SEMA6A: variants seen among roughly 807,000 people sequenced by gnomAD.
SEMA6A encodes the protein semaphorin-6A.
Under a neutral mutation model 96.8 loss-of-function variants are expected in SEMA6A, and 25 were observed. The observed-to-expected ratio is 0.26, with a 90% CI of 0.19 to 0.36. SEMA6A has a LOEUF of 0.36. Among genes scored for constraint, SEMA6A ranks in the 10% least tolerant of loss-of-function variants. The pLI is 1.00. For missense variants in SEMA6A, 1,363 were observed against 1,323.1 expected, an observed-to-expected ratio of 1.03 and a Z score of -0.47; for synonymous variants, 612 against 518.0, an observed-to-expected ratio of 1.18 and a Z score of -2.46.
chr5:116,482,651 A>C (rs1171032790), intron 10 of SEMA6A, 76 bp from the exon 11 acceptor site: 4 of 1,466,956 alleles, frequency 2.7e-6, no homozygotes, highest in Non-Finnish European at 2.8e-6. Context: ...CTCCAGAGAA[A>C]CTTTCCTGGT....
intron 17 of SEMA6A, chr5:116,471,493 G>T (rs1756142457): frequency 6.6e-6 from 1 of 152,172 alleles, no homozygotes; most frequent in Admixed American, 6.6e-5. Context: ...TGATCGCAAA[G>T]TATCATATTG....
intron 18 of SEMA6A, among the ~76,000 whole-genome samples, chr5:116,467,208 C>T (rs1374014548): frequency 6.6e-6 from 1 of 152,144 alleles, no homozygotes; most frequent in East Asian, 1.9e-4. Flanking sequence ...ATTGCATTCA[C>T]TTGCCAAAGC....
chr5:116,573,016 G>C (rs1270509678), intron 1 of SEMA6A, among the ~76,000 whole-genome samples: 1 of 152,234 alleles, frequency 6.6e-6, no homozygotes, highest in Non-Finnish European at 1.5e-5. Flanking sequence ...ACCGCTCCCT[G>C]GCTCCCCCCG....
chr5:116,482,946 G>T (rs1398481192), intron 10 of SEMA6A, among the ~76,000 whole-genome samples: 1 of 152,176 alleles, frequency 6.6e-6, no homozygotes, highest in Non-Finnish European at 1.5e-5. Context: ...AGAGCGTTCT[G>T]TGTCACTAAT....
chr5:116,547,734 T>TAAAAAAAAAA (rs34908253), intron 1 of SEMA6A, among the ~76,000 whole-genome samples: 4 of 65,582 alleles, frequency 6.1e-5, no homozygotes, highest in East Asian at 5.5e-4. Context: ...ATCTGATACT[T>TAAAAAAAAAA]AAAAAAAAAA....
chr5:116,454,019 T>TTAAG (rs1207871124), intron 18 of SEMA6A, among the ~76,000 whole-genome samples: 1 of 152,032 alleles, frequency 6.6e-6, no homozygotes, highest in African/African-American at 2.4e-5. Context: ...CTCGAAATGG[T>TTAAG]TAAGTGTGCA....
chr5:116,496,465 A>G (rs1757609214), intron 4 of SEMA6A, among the ~76,000 whole-genome samples, 152 bp from the exon 5 acceptor site: 2 of 152,256 alleles, frequency 1.3e-5, no homozygotes, highest in African/African-American at 4.8e-5. Flanking sequence ...CCGTAACAAC[A>G]AAAGATTCCA....
At chr5:116,490,463 G>C (rs1039999142) in intron 7 of SEMA6A, among the ~76,000 whole-genome samples, 4 of 152,278 alleles carry the variant, frequency 2.6e-5, no homozygotes, top group Admixed American at 2.6e-4. Context: ...ACTAATGCAG[G>C]TTCCAAGTGT....
At chr5:116,479,632 G>C (rs903725933) in intron 12 of SEMA6A, among the ~76,000 whole-genome samples, 1 of 152,192 alleles carries the variant, frequency 6.6e-6, no homozygotes, top group African/African-American at 2.4e-5. Context: ...CTAATTGGCT[G>C]TCCCTTCGCT....
At chr5:116,475,692 C>T (rs1756411138) in intron 15 of SEMA6A, 89 bp from the exon 16 acceptor site, 1 of 904,206 alleles carries the variant, frequency 1.1e-6, no homozygotes, top group Non-Finnish European at 1.7e-6. Context: ...AAGACAGTAA[C>T]ACAGTTTGAT....
In SEMA6A at chr5:116,486,917, G is replaced by A; in HGVS notation, c.794C>T (p.Ser265Phe). ...CCACTGTTTCTCCAGGACTCTTTGA[G>A]ATCCTCCCATATCATTCTTACAAAC... ...AQVCKNDMGGSQRVLEKQWTS... is the reference protein window; with the variant it reads ...AQVCKNDMGGFQRVLEKQWTS... Residue 265 changes from serine (S) to phenylalanine (F), a missense_variant, in exon 10 of 19, where the codon TCT becomes TTT. Physicochemically the swap from Ser to Phe is radical, Grantham distance 155. This residue lies in a region of SEMA6A where 480 missense variants were observed against 559.5 expected (regional missense o/e 0.86). Transcript: ENST00000343348. The A allele has an allele frequency of 6.2e-7, 1 of 1,613,760 alleles. No homozygotes were observed. Among genetic ancestry groups the A allele is most frequent in the Non-Finnish European group, 8.5e-7 (1 of 1,179,756 alleles).
At chr5:116,462,886 CTTAG>C (rs1003363017) in intron 18 of SEMA6A, among the ~76,000 whole-genome samples, 4 of 152,104 alleles carry the variant, frequency 2.6e-5, no homozygotes, top group Admixed American at 1.3e-4. Context: ...ATATTATTTA[CTTAG>C]TATTTTTATA....
At chr5:116,472,972 A>G (rs1431323532) in intron 17 of SEMA6A, 101 bp downstream of exon 17, 5 of 1,514,398 alleles carry the variant, frequency 3.3e-6, no homozygotes, top group Non-Finnish European at 4.4e-6. Context: ...ATTAATTAAA[A>G]AGAAACTTAA....
chr5:116,470,922 C>T (rs988179604), intron 17 of SEMA6A, among the ~76,000 whole-genome samples: 1 of 152,222 alleles, frequency 6.6e-6, no homozygotes, highest in African/African-American at 2.4e-5. Flanking sequence ...GCTACAAATA[C>T]AGTGCCCAGT....
At chr5:116,474,625 A>G (rs533470507) in intron 16 of SEMA6A, among the ~76,000 whole-genome samples, 2 of 152,348 alleles carry the variant, frequency 1.3e-5, no homozygotes, top group Non-Finnish European at 2.9e-5. Flanking sequence ...AGAAAGTTGA[A>G]TGACACTTTA....
intron 1 of SEMA6A, among the ~76,000 whole-genome samples, chr5:116,560,409 G>T (rs559249647): frequency 4.1e-4 from 62 of 151,680 alleles, no homozygotes; most frequent in African/African-American, 1.3e-3. Context: ...ACTTTTCCTT[G>T]CCAAGAGTAG....
chr5:116,484,441 C>G (rs1203180679), intron 10 of SEMA6A, among the ~76,000 whole-genome samples: 1 of 152,040 alleles, frequency 6.6e-6, no homozygotes, highest in Non-Finnish European at 1.5e-5. Flanking sequence ...CTACTTAAGG[C>G]AGTAAGTGCA....
At chr5:116,452,538 CT>C (rs1291634884) in intron 18 of SEMA6A, among the ~76,000 whole-genome samples, 1 of 152,040 alleles carries the variant, frequency 6.6e-6, no homozygotes, top group Non-Finnish European at 1.5e-5. Flanking sequence ...GACCCTGCCC[CT>C]AGACCCTGCA....
Position 116,446,570 on chromosome 5 carries a change from C to T in SEMA6A, c.*43G>A, listed in dbSNP as rs1427706377. On this transcript the variant is annotated 3_prime_UTR_variant, in exon 19 of 19. Coordinates refer to ENST00000343348, the MANE Select transcript of SEMA6A (RefSeq NM_020796.5). The stretch of plus-strand genomic sequence containing the variant: ...ACCTTGCTGAGCTGAGCGGGCACCT[C>T]GCCTTGCCTGCTGGTTCGACACCTG... 9 of 1,442,860 alleles carry T rather than the reference C, an allele frequency of 6.2e-6. No homozygotes were observed. Among genetic ancestry groups the T allele is most frequent in the Admixed American group, 2.8e-5 (1 of 35,314 alleles). 89.4% of individuals were successfully genotyped at this position (1,442,860 alleles called of 1,614,324 possible).
Sources: allele counts gnomAD v4.1 joint callset (sites outside exome capture counted in the v4.1 genomes callset), GRCh38; gene constraint gnomAD v4.1.1; regional missense constraint gnomAD v4.1.1; transcripts MANE v1.5; gene names NCBI Gene and HGNC (gene_info 2026-07-23, HGNC 2026-07-21).